The following INTS3 variants were observed in gnomAD, a reference collection of about 807,000 sequenced individuals.
INTS3 encodes the protein integrator complex subunit 3, also known as SOSS complex subunit A.
INTS3 carries 34 observed loss-of-function variants against 146.3 expected under a neutral mutation model. That is an observed-to-expected ratio of 0.23 (90% CI 0.18 to 0.31). INTS3 has a LOEUF of 0.31. Among genes scored for constraint, INTS3 ranks in the 10% least tolerant of loss-of-function variants. The pLI, the probability that INTS3 is intolerant of heterozygous loss-of-function variation, is 1.00. For synonymous variants in INTS3, 475 were observed against 494.9 expected, an observed-to-expected ratio of 0.96 and a Z score of 0.53; for missense variants, 757 against 1,304.2, an observed-to-expected ratio of 0.58 and a Z score of 6.46.
chr1:153,739,041 C>A (rs549147009), intron 1 of INTS3, among the ~76,000 whole-genome samples: 1 of 151,372 alleles, frequency 6.6e-6, no homozygotes, highest in Non-Finnish European at 1.5e-5. Flanking sequence ...TTATAGGCGC[C>A]TGCCACCACG....
chr1:153,763,799 T>A, intron 16 of INTS3, 33 bp from the exon 17 acceptor site: 1 of 1,598,332 alleles, frequency 6.3e-7, no homozygotes, highest in Non-Finnish European at 8.6e-7. Flanking sequence ...ATCATTTATG[T>A]CCCTGGGATT....
chr1:153,764,294 C>T, intron 18 of INTS3, 73 bp downstream of exon 18: 1 of 993,234 alleles, frequency 1.0e-6, no homozygotes, highest in South Asian at 1.3e-5. Flanking sequence ...TCCAAGAGAC[C>T]CCTTACTGTA....
chr1:153,746,825 T>G, intron 3 of INTS3, 132 bp from the exon 4 acceptor site: 1 of 620,020 alleles, frequency 1.6e-6, no homozygotes, highest in Non-Finnish European at 2.9e-6. Context: ...GAATGAAAAG[T>G]ATTTCATTGC....
intron 6 of INTS3, among the ~76,000 whole-genome samples, chr1:153,750,085 C>G (rs1671899028): frequency 6.6e-6 from 1 of 152,212 alleles, no homozygotes; most frequent in Admixed American, 6.5e-5. Flanking sequence ...TCCCCAGTAA[C>G]CTTGGCTAGT....
intron 12 of INTS3, 108 bp from the exon 13 acceptor site, chr1:153,760,719 C>G (rs935686913): frequency 1.1e-6 from 1 of 874,082 alleles, no homozygotes; most frequent in Non-Finnish European, 1.9e-6. Context: ...TGCAGCCATA[C>G]TCCCCAGTGT....
At position 153,728,246 on chromosome 1, in the gene INTS3, C is replaced by G; in HGVS notation, c.-389C>G. On this transcript the variant is annotated 5_prime_UTR_variant, in exon 1 of 30. Coordinates refer to ENST00000318967, the MANE Select transcript of INTS3 (RefSeq NM_023015.5). ...CTCCTAATTCAGGGGCAGGACTCCT[C>G]TTTTCCCCCCACGGGGAAAAGAGGC... is the stretch of plus-strand genomic sequence containing the variant. The G allele has an allele frequency of 2.5e-6, 1 of 393,582 alleles. No individual in the cohort carries two copies. The allele number at this position is 393,582 out of a possible 1,614,324, so 24.4% of individuals were successfully genotyped here.
chr1:153,736,830 C>G (rs1302883550), intron 1 of INTS3, among the ~76,000 whole-genome samples: 1 of 137,704 alleles, frequency 7.3e-6, no homozygotes, highest in Non-Finnish European at 1.5e-5. Flanking sequence ...GTGGCACAAT[C>G]TCGGCTCACT....
intron 13 of INTS3, chr1:153,761,152 A>G: frequency 9.0e-7 from 1 of 1,116,458 alleles, no homozygotes; most frequent in Non-Finnish European, 1.2e-6. Context: ...CCCTTCAGGG[A>G]TCTGAGTATG....
chr1:153,732,468 G>C (rs1045846898), intron 1 of INTS3, among the ~76,000 whole-genome samples: 3 of 148,984 alleles, frequency 2.0e-5, no homozygotes, highest in Non-Finnish European at 4.5e-5. Context: ...TTTTTTAAAC[G>C]GAGTTTCCCT....
intron 12 of INTS3, 165 bp downstream of exon 12, chr1:153,760,555 ACTGT>A: frequency 1.6e-6 from 1 of 636,322 alleles, no homozygotes; most frequent in South Asian, 1.9e-5. Context: ...TCCATATTCC[ACTGT>A]CTGCACTTGG....
intron 1 of INTS3, among the ~76,000 whole-genome samples, chr1:153,729,422 G>T (rs1670979266): frequency 6.6e-6 from 1 of 152,246 alleles, no homozygotes; most frequent in South Asian, 2.1e-4. Context: ...GAAAAAGAAG[G>T]TGGAGCGAAG....
At position 153,748,766 on chromosome 1, in the gene INTS3, C is replaced by G; in HGVS notation, c.584+11C>G. 6.2e-7 allele frequency: 1 copy of G among 1,611,158 alleles called. No individual in the cohort carries two copies. The highest frequency in any genetic ancestry group is 1.3e-5 in the African/African-American group (1 of 74,956). ...CCTGACAGAGCAAAGGTAGCATCCA[C>G]CACGAAGGGTGGGGTACAGGCCAGA... is the stretch of plus-strand genomic sequence containing the variant. On this transcript the variant is annotated intron_variant, in intron 6 of 29. Coordinates refer to ENST00000318967, the MANE Select transcript of INTS3 (RefSeq NM_023015.5).
intron 3 of INTS3, among the ~76,000 whole-genome samples, chr1:153,745,013 T>G (rs1671672556): frequency 6.6e-6 from 1 of 152,160 alleles, no homozygotes; most frequent in South Asian, 2.1e-4. Flanking sequence ...TTTCCTCATC[T>G]GTAAAAATAA....
Position 153,763,340 on chromosome 1 carries a change from G to A in INTS3, c.1744G>A (p.Val582Ile). 1 of 1,614,188 alleles carries A rather than the reference G, an allele frequency of 6.2e-7. No individual in the cohort carries two copies. Among genetic ancestry groups the A allele is most frequent in the Non-Finnish European group, 8.5e-7 (1 of 1,180,032 alleles). The change falls in exon 16 of 30, where the codon GTA (valine) becomes ATA (isoleucine). Residue 582 changes from valine (V) to isoleucine (I), a missense_variant. Val to Ile is a conservative substitution (Grantham distance 29, BLOSUM62 3). Transcript: ENST00000318967. ...GTTGGATGAGTCCCTGAGGGACAAA[G>A]TACTCCAGCTACAGAAGGGGAGGTG... ...DQLDESLRDK[V>I]LQLQKGSDTE...
rs565763799 is a variant in INTS3 at position 153,731,066 on chromosome 1, A to G, written c.150+2282A>G. Among the ~76,000 whole-genome samples the G allele has an allele frequency of 1.2e-4, 18 of 152,220 alleles. No homozygotes were observed. The East Asian group carries it at 1.5e-3, about 13-fold the overall frequency. ...GGAACACAGAGGTAGTTTCCTGACC[A>G]TATATGCTTACTGTGTGCTGGGTCT... is the stretch of plus-strand genomic sequence containing the variant. On this transcript the variant is annotated intron_variant, in intron 1 of 29. Transcript: ENST00000318967.
chr1:153,728,596 A>C lies in INTS3; in HGVS notation c.-39A>C, dbSNP rs1431520757. On this transcript the variant is annotated 5_prime_UTR_variant, in exon 1 of 30. Coordinates refer to ENST00000318967, the MANE Select transcript of INTS3 (RefSeq NM_023015.5). ...TCCCGATATCTAGGACTGTCCATCC[A>C]TCCACTCCCTGACCTTTTCCCGGCT... 1.9e-6 allele frequency: 3 copies of C among 1,575,632 alleles called. No homozygotes were observed. The highest frequency in any genetic ancestry group is 2.6e-6 in the Non-Finnish European group (3 of 1,165,430).
chr1:153,729,995 A>G (rs907818254), intron 1 of INTS3, among the ~76,000 whole-genome samples: 1 of 152,078 alleles, frequency 6.6e-6, no homozygotes, highest in Non-Finnish European at 1.5e-5. Flanking sequence ...TTAGCTCTTC[A>G]CTGGCTGTTT....
chr1:153,770,146 TG>T, intron 23 of INTS3, 51 bp from the exon 24 acceptor site: 1 of 826,468 alleles, frequency 1.2e-6, no homozygotes, highest in Non-Finnish European at 2.0e-6. Context: ...TGTGTGTGTG[TG>T]TGTGTTCGTT....
intron 11 of INTS3, chr1:153,760,041 T>G: frequency 1.8e-6 from 1 of 546,128 alleles, no homozygotes; most frequent in East Asian, 3.0e-5. Context: ...GCCATTCATG[T>G]ATATTGACAT....
Sources: gnomAD v4.1 joint callset for allele counts (sites outside exome capture counted in the v4.1 genomes callset) on GRCh38, gnomAD v4.1.1 for gene constraint, MANE v1.5 for transcripts, NCBI Gene and HGNC (gene_info 2026-07-23, HGNC 2026-07-21) for gene names.